The following ZMAT4 variants were observed in gnomAD, a reference collection of about 807,000 sequenced individuals.
The protein encoded by ZMAT4 is zinc finger matrin-type 4.
In ZMAT4, 17 loss-of-function variants were observed where a neutral mutation model predicts 28.7. That is an observed-to-expected ratio of 0.59 (90% CI 0.41 to 0.89). The LOEUF (loss-of-function observed/expected upper bound fraction) is 0.89. Ranked by LOEUF, ZMAT4 falls within the 40% of genes least tolerant of loss-of-function variation. The probability of loss-of-function intolerance (pLI) is 0.00; values close to 1 mark genes in which losing one functional copy is unlikely to be tolerated. For synonymous variants in ZMAT4, 117 were observed against 109.2 expected (o/e 1.07, Z -0.44); for missense variants, 240 against 283.8 (o/e 0.85, Z 1.11).
At chr8:40,703,582 G>A (rs1368727235) in intron 3 of ZMAT4, among the ~76,000 whole-genome samples, 1 of 152,206 alleles carries the variant, frequency 6.6e-6, no homozygotes, top group East Asian at 1.9e-4. Context: ...GAGGGCAGTG[G>A]GGGAGCAGGG....
At chr8:40,681,786 T>G (rs1809176540) in intron 4 of ZMAT4, among the ~76,000 whole-genome samples, 1 of 152,178 alleles carries the variant, frequency 6.6e-6, no homozygotes, top group African/African-American at 2.4e-5. Flanking sequence ...TTCATTAAAC[T>G]TATTTTACAG....
At chr8:40,868,735 G>A (rs1450739625) in intron 1 of ZMAT4, among the ~76,000 whole-genome samples, 1 of 152,290 alleles carries the variant, frequency 6.6e-6, no homozygotes. Flanking sequence ...CTCTAATGCT[G>A]CATTCTTGCC....
At chr8:40,856,277 C>A (rs1404610503) in intron 1 of ZMAT4, among the ~76,000 whole-genome samples, 1 of 152,008 alleles carries the variant, frequency 6.6e-6, no homozygotes, top group Non-Finnish European at 1.5e-5. Flanking sequence ...AAAGAGTGCA[C>A]TGCTAGATTT....
chr8:40,687,421 G>A (rs1303390929), intron 4 of ZMAT4, among the ~76,000 whole-genome samples: 1 of 152,102 alleles, frequency 6.6e-6, no homozygotes, highest in Non-Finnish European at 1.5e-5. Context: ...ACCTGATGGG[G>A]GAGGGAGAGA....
At chr8:40,841,491 T>C (rs1360021614) in intron 1 of ZMAT4, among the ~76,000 whole-genome samples, 1 of 152,160 alleles carries the variant, frequency 6.6e-6, no homozygotes, top group Non-Finnish European at 1.5e-5. Flanking sequence ...GCATTGCCTC[T>C]CTGAGACATC....
At chr8:40,753,086 T>G (rs4477006) in intron 3 of ZMAT4, among the ~76,000 whole-genome samples, 116,883 of 140,180 alleles carry the variant, frequency 0.83, 49,413 homozygotes, top group Non-Finnish European at 0.94. Context: ...GGTGTGTGAC[T>G]TTCCCCTCCC....
intron 5 of ZMAT4, among the ~76,000 whole-genome samples, chr8:40,664,048 GT>G (rs1269287364): frequency 6.6e-6 from 1 of 152,194 alleles, no homozygotes; most frequent in East Asian, 1.9e-4. Flanking sequence ...GTGGAGTGTA[GT>G]TTTTCCACTG....
At chr8:40,875,373 G>A (rs1448336287) in intron 1 of ZMAT4, among the ~76,000 whole-genome samples, 1 of 152,146 alleles carries the variant, frequency 6.6e-6, no homozygotes, top group African/African-American at 2.4e-5. Context: ...GCATGTTGAG[G>A]GGGAGACAAC....
intron 1 of ZMAT4, among the ~76,000 whole-genome samples, chr8:40,835,268 G>C (rs1282674539): frequency 6.6e-6 from 1 of 152,176 alleles, no homozygotes; most frequent in South Asian, 2.1e-4. Context: ...AAGAGAAGCA[G>C]GGAGAGGAGG....
chr8:40,869,892 C>A (rs1817794699), intron 1 of ZMAT4, among the ~76,000 whole-genome samples: 1 of 152,186 alleles, frequency 6.6e-6, no homozygotes, highest in Non-Finnish European at 1.5e-5. Context: ...TTCTTTCTTA[C>A]TGTGCTTGTC....
At chr8:40,619,695 C>G (rs1312800948) in intron 5 of ZMAT4, among the ~76,000 whole-genome samples, 2 of 152,188 alleles carry the variant, frequency 1.3e-5, no homozygotes, top group African/African-American at 2.4e-5. Flanking sequence ...AGAGCTCATG[C>G]CAGCCAGCAA....
intron 6 of ZMAT4, among the ~76,000 whole-genome samples, chr8:40,550,978 T>C (rs1042428170): frequency 2.6e-5 from 4 of 152,148 alleles, no homozygotes; most frequent in Non-Finnish European, 5.9e-5. Context: ...ACCACTAATA[T>C]TAGGTTTGTA....
intron 6 of ZMAT4, among the ~76,000 whole-genome samples, chr8:40,536,903 A>AG (rs1344881253): frequency 4.9e-5 from 7 of 143,664 alleles, no homozygotes; most frequent in Non-Finnish European, 9.0e-5. Flanking sequence ...GGGGGTTTGG[A>AG]GAAAAAAAAA....
intron 2 of ZMAT4, among the ~76,000 whole-genome samples, chr8:40,798,097 T>G (rs10958636): frequency 0.56 from 85,099 of 151,930 alleles, 24,039 homozygotes; most frequent in East Asian, 0.66. Context: ...AAGAACTGGG[T>G]GCAGGGGGAA....
At chr8:40,831,249 C>A (rs1816270412) in intron 1 of ZMAT4, among the ~76,000 whole-genome samples, 1 of 152,100 alleles carries the variant, frequency 6.6e-6, no homozygotes, top group Non-Finnish European at 1.5e-5. Flanking sequence ...CTGTGAAGAC[C>A]CCGTACTGCA....
intron 1 of ZMAT4, among the ~76,000 whole-genome samples, chr8:40,858,536 A>G (rs1004411): frequency 0.22 from 33,020 of 152,162 alleles, 4,314 homozygotes; most frequent in East Asian, 0.4. Flanking sequence ...AAAGTGCTAC[A>G]CTGGCTGAGA....
At chr8:40,660,389 T>G (rs765687957) in intron 5 of ZMAT4, among the ~76,000 whole-genome samples, 1 of 152,236 alleles carries the variant, frequency 6.6e-6, no homozygotes, top group Non-Finnish European at 1.5e-5. Flanking sequence ...AAAGCATCCT[T>G]CAAATAATGT....
intron 1 of ZMAT4, among the ~76,000 whole-genome samples, chr8:40,874,438 G>T (rs1290264133): frequency 6.6e-6 from 1 of 152,214 alleles, no homozygotes. Context: ...TGTATACTGG[G>T]AGTAAATGTC....
intron 5 of ZMAT4, among the ~76,000 whole-genome samples, chr8:40,653,213 T>A (rs1026381335): frequency 2.0e-5 from 3 of 151,432 alleles, no homozygotes; most frequent in African/African-American, 7.3e-5. Flanking sequence ...TAAATGAAAA[T>A]GAAAACGATA....
Sources: gnomAD v4.1 joint callset for allele counts (sites outside exome capture counted in the v4.1 genomes callset) on GRCh38, gnomAD v4.1.1 for gene constraint, MANE v1.5 for transcripts, NCBI Gene and HGNC (gene_info 2026-07-23, HGNC 2026-07-21) for gene names.